Variants in HERC6 observed in about 807,000 individuals in gnomAD.
The protein encoded by HERC6 is HECT and RLD domain containing E3 ubiquitin protein ligase family member 6.
A neutral mutation model predicts 114.5 loss-of-function variants in HERC6; 101 were observed. That is an observed-to-expected ratio of 0.88 (90% CI 0.75 to 1.04). The LOEUF is 1.04. HERC6 is among the 50% of genes least tolerant of loss of function. The probability of loss-of-function intolerance (pLI) is 0.00; values close to 1 mark genes in which losing one functional copy is unlikely to be tolerated. For missense variants in HERC6, 1,133 were observed against 1,230.9 expected (o/e 0.92, Z 1.19); for synonymous variants, 408 against 436.2 (o/e 0.94, Z 0.81).
intron 12 of HERC6, 111 bp from the exon 13 acceptor site, chr4:88,417,314 A>G (rs1431930009): frequency 6.0e-6 from 6 of 1,002,252 alleles, no homozygotes; most frequent in Non-Finnish European, 8.8e-6. Context: ...AAATTATGCC[A>G]TCAGAAATGT....
At chr4:88,409,058 AC>A (rs1560547159) in intron 11 of HERC6, among the ~76,000 whole-genome samples, 1 of 152,128 alleles carries the variant, frequency 6.6e-6, no homozygotes, top group African/African-American at 2.4e-5. Flanking sequence ...AAATGCAAAA[AC>A]CTGAAAAGAC....
intron 7 of HERC6, 150 bp from the exon 8 acceptor site, chr4:88,397,989 AAAG>A (rs1465479773): frequency 1.8e-6 from 1 of 548,446 alleles, no homozygotes; most frequent in Non-Finnish European, 3.2e-6. Context: ...GGAGGGAAAA[AAAG>A]AAAAAAATTA....
chr4:88,410,949 A>G (rs928776361), intron 11 of HERC6, among the ~76,000 whole-genome samples: 13 of 152,082 alleles, frequency 8.5e-5, no homozygotes, highest in African/African-American at 3.1e-4. Flanking sequence ...TCAATGGGGG[A>G]TGTACAAGAG....
At chr4:88,384,312 A>G (rs978701745) in intron 2 of HERC6, among the ~76,000 whole-genome samples, 1 of 152,146 alleles carries the variant, frequency 6.6e-6, no homozygotes, top group Non-Finnish European at 1.5e-5. Context: ...TTGTTAATCT[A>G]TTGTCAGTTA....
At chr4:88,431,134 G>C in intron 16 of HERC6, 28 bp from the exon 17 acceptor site, 1 of 1,591,566 alleles carries the variant, frequency 6.3e-7, no homozygotes, top group Non-Finnish European at 8.5e-7. Flanking sequence ...TTTAAGTCAG[G>C]ATCTGGGACT....
intron 8 of HERC6, among the ~76,000 whole-genome samples, chr4:88,403,779 TA>T (rs1362117122): frequency 1.5e-4 from 22 of 151,680 alleles, no homozygotes; most frequent in Middle Eastern, 3.4e-3. Flanking sequence ...AAAATAAAAA[TA>T]AAAAAAATTT....
At chr4:88,379,856 TAGC>T (rs1474385070) in intron 1 of HERC6, among the ~76,000 whole-genome samples, 1 of 54,178 alleles carries the variant, frequency 1.8e-5, no homozygotes, top group African/African-American at 8.1e-5. Flanking sequence ...AATATATATA[TAGC>T]ATATAAATAT....
At chr4:88,379,532 G>A (rs556842704) in intron 1 of HERC6, among the ~76,000 whole-genome samples, 27 of 150,030 alleles carry the variant, frequency 1.8e-4, no homozygotes, top group African/African-American at 6.6e-4. Context: ...CGCCTGCGCG[G>A]TTCTACCTGG....
intron 3 of HERC6, among the ~76,000 whole-genome samples, 154 bp downstream of exon 3, chr4:88,385,729 T>G (rs1241414083): frequency 6.6e-6 from 1 of 152,220 alleles, no homozygotes; most frequent in African/African-American, 2.4e-5. Flanking sequence ...TTTCTCAAAT[T>G]TCTTGGTCCT....
At chr4:88,431,021 AC>A in intron 16 of HERC6, 140 bp from the exon 17 acceptor site, 1 of 691,414 alleles carries the variant, frequency 1.4e-6, no homozygotes, top group South Asian at 2.0e-5. Context: ...CTGAGGGAAG[AC>A]AGATTGCAAG....
At position 88,379,793 on chromosome 4, in the gene HERC6, AATATATATAATATATAAAT is replaced by A. The variant is rs1451147128; in HGVS notation, c.199+684_199+702del. On this transcript the variant is annotated intron_variant, in intron 1 of 22. Coordinates refer to ENST00000264346, the MANE Select transcript of HERC6 (RefSeq NM_017912.4). Reference sequence around the variant, plus strand: ...TATATAAATATATATATAACATATAAATATATATAATATATAAATATATATATAACATATAAATATATAT... The same window carrying A: ...TATATAAATATATATATAACATATAAATATATATAACATATAAATATATAT... Among the ~76,000 whole-genome samples the A allele has an allele frequency of 7.1e-3, 619 of 87,002 alleles. 12 individuals carry two copies. The highest frequency in any genetic ancestry group is 0.034 in the East Asian group (92 of 2,686). 57.1% of individuals were successfully genotyped at this position (87,002 alleles called of 152,430 possible).
chr4:88,402,366 G>A (rs1246861687), intron 8 of HERC6, among the ~76,000 whole-genome samples: 3 of 152,188 alleles, frequency 2.0e-5, no homozygotes. Flanking sequence ...GGAGAGCATG[G>A]TGTTGGGAGT....
intron 13 of HERC6, among the ~76,000 whole-genome samples, chr4:88,418,800 C>T (rs1736755966): frequency 6.6e-6 from 1 of 152,134 alleles, no homozygotes; most frequent in South Asian, 2.1e-4. Context: ...GATCTTGGCT[C>T]ACTGCAACCT....
intron 12 of HERC6, among the ~76,000 whole-genome samples, chr4:88,414,666 C>G (rs1432561643): frequency 6.6e-6 from 1 of 152,148 alleles, no homozygotes; most frequent in Admixed American, 6.6e-5. Flanking sequence ...TATAGGGTAA[C>G]TTCCTGGCAT....
Position 88,422,714 on chromosome 4 carries a change from G to A in HERC6, c.1714-1146G>A, listed in dbSNP as rs138281395. On this transcript the variant is annotated intron_variant, in intron 13 of 22. Transcript: ENST00000264346. ...TTTTACTTTCTCATAATGCCCCTGT[G>A]AGGTTTCTGGACCAGGTAATGCTAA... is the stretch of plus-strand genomic sequence containing the variant. Among the ~76,000 whole-genome samples, 576 of 152,248 alleles carry A rather than the reference G, an allele frequency of 3.8e-3. 2 individuals are homozygous for A. The highest frequency in any genetic ancestry group is 0.013 in the African/African-American group (530 of 41,568).
chr4:88,393,210 G>A (rs1735012503), intron 4 of HERC6, among the ~76,000 whole-genome samples: 1 of 151,624 alleles, frequency 6.6e-6, no homozygotes, highest in African/African-American at 2.4e-5. Flanking sequence ...CCAAGGTAGG[G>A]TTTTTCCTCT....
intron 22 of HERC6, among the ~76,000 whole-genome samples, chr4:88,440,822 T>G (rs527526697): frequency 6.6e-6 from 1 of 152,304 alleles, no homozygotes; most frequent in East Asian, 1.9e-4. Flanking sequence ...AGCCCGATAT[T>G]CCAGGCTGCT....
intron 3 of HERC6, 112 bp downstream of exon 3, chr4:88,385,687 A>G (rs934314361): frequency 1.7e-6 from 1 of 603,986 alleles, no homozygotes; most frequent in African/African-American, 1.9e-5. Flanking sequence ...TTCATTCCCC[A>G]GGTTTCATAA....
At position 88,413,088 on chromosome 4, in the gene HERC6, T is replaced by C. The variant is rs562487425; in HGVS notation, c.1380T>C (p.Cys460=). ...KEWISSMITT[C]LEDDLLRALP... ...TATTTTTACCACAGATAACTACGTG[T>C]CTCGAGGATGATCTGCTCAGAGCTC... is the stretch of plus-strand genomic sequence containing the variant. The change falls in exon 12 of 23, where the codon TGT becomes TGC. Residue 460 remains cysteine, a synonymous_variant. Coordinates refer to ENST00000264346, the MANE Select transcript of HERC6 (RefSeq NM_017912.4). 73 of 1,606,874 alleles carry C rather than the reference T, an allele frequency of 4.5e-5. 1 individual carries two copies. The South Asian group carries it at 7.4e-4, about 16-fold the overall frequency.
Sources: gnomAD v4.1 joint callset for allele counts (sites outside exome capture counted in the v4.1 genomes callset) on GRCh38, gnomAD v4.1.1 for gene constraint, MANE v1.5 for transcripts, NCBI Gene and HGNC (gene_info 2026-07-23, HGNC 2026-07-21) for gene names.